The following FGGY variants were observed in gnomAD, a reference collection of about 807,000 sequenced individuals.
FGGY encodes FGGY carbohydrate kinase domain-containing protein.
In FGGY, 72 loss-of-function variants were observed where a neutral mutation model predicts 71.3. The ratio of observed to expected loss-of-function variants is 1.01; its 90% CI spans 0.84 to 1.23. The LOEUF is 1.23. Among genes scored for constraint, FGGY ranks in the 50% most tolerant of loss-of-function variants. The pLI is 0.00. For missense variants in FGGY, 668 were observed against 682.3 expected, an observed-to-expected ratio of 0.98 and a Z score of 0.23; for synonymous variants, 251 against 250.3, an observed-to-expected ratio of 1.00 and a Z score of -0.02.
rs1374065303 is a variant in FGGY at position 59,576,669 on chromosome 1, G to C, written c.903+22442G>C. On this transcript the variant is annotated intron_variant, in intron 8 of 15. Transcript: ENST00000303721. The stretch of plus-strand genomic sequence containing the variant: ...GCTAGAGATTACAGACAGACAGACA[G>C]ACAGACAGACACACACACACACACA... 9.5e-4 allele frequency among the ~76,000 whole-genome samples: 126 copies of C among 132,664 alleles called. 1 individual carries two copies. The highest frequency in any genetic ancestry group is 3.6e-3 in the African/African-American group (120 of 33,756). 87.0% of individuals were successfully genotyped at this position (132,664 alleles called of 152,430 possible).
At chr1:59,715,959 A>G (rs2097843130) in intron 14 of FGGY, among the ~76,000 whole-genome samples, 1 of 152,256 alleles carries the variant, frequency 6.6e-6, no homozygotes, top group African/African-American at 2.4e-5. Flanking sequence ...GCAGAGTTAA[A>G]TAATTGTGAC....
intron 8 of FGGY, among the ~76,000 whole-genome samples, chr1:59,582,555 C>T (rs1032444368): frequency 6.7e-6 from 1 of 149,598 alleles, no homozygotes; most frequent in Non-Finnish European, 1.5e-5. Flanking sequence ...GCCTATAGCA[C>T]CCTTCCCTCT....
chr1:59,522,928 A>G (rs2094875868), intron 7 of FGGY, among the ~76,000 whole-genome samples: 1 of 152,224 alleles, frequency 6.6e-6, no homozygotes, highest in Non-Finnish European at 1.5e-5. Context: ...TCTCATTTTA[A>G]ACAAGCTCTG....
intron 6 of FGGY, among the ~76,000 whole-genome samples, chr1:59,500,207 A>G (rs1037546239): frequency 3.3e-5 from 5 of 152,202 alleles, no homozygotes; most frequent in Admixed American, 1.3e-4. Context: ...AGGAAGAGCA[A>G]AGGTTTCAGA....
chr1:59,719,639 C>G (rs755496576), intron 14 of FGGY, among the ~76,000 whole-genome samples: 1 of 152,090 alleles, frequency 6.6e-6, no homozygotes, highest in African/African-American at 2.4e-5. Context: ...TTATCGAGAG[C>G]CTGCATTTCT....
chr1:59,589,651 C>T (rs941260841), intron 8 of FGGY, among the ~76,000 whole-genome samples: 1 of 152,146 alleles, frequency 6.6e-6, no homozygotes, highest in African/African-American at 2.4e-5. Flanking sequence ...AACCGCTCAA[C>T]TACATGGAAA....
intron 6 of FGGY, among the ~76,000 whole-genome samples, chr1:59,507,162 T>C (rs1454873442): frequency 6.6e-6 from 1 of 152,158 alleles, no homozygotes; most frequent in African/African-American, 2.4e-5. Flanking sequence ...GGAAGTAAAG[T>C]ACAGAAACAG....
chr1:59,720,115 T>C (rs1278626757), intron 14 of FGGY, among the ~76,000 whole-genome samples: 2 of 152,230 alleles, frequency 1.3e-5, no homozygotes, highest in African/African-American at 2.4e-5. Flanking sequence ...GTCTCTCCTC[T>C]GATTACTGGG....
chr1:59,670,023 G>A (rs755230757), intron 13 of FGGY, among the ~76,000 whole-genome samples: 4 of 152,182 alleles, frequency 2.6e-5, no homozygotes, highest in Non-Finnish European at 5.9e-5. Flanking sequence ...GATTCCGATT[G>A]AAACTGGACC....
chr1:59,336,465 A>G (rs2049524439), intron 2 of FGGY, among the ~76,000 whole-genome samples: 1 of 140,682 alleles, frequency 7.1e-6, no homozygotes, highest in Non-Finnish European at 1.5e-5. Context: ...TAAATAAATA[A>G]ATAAAACCTG....
chr1:59,601,800 A>G (rs1368012517), intron 8 of FGGY, among the ~76,000 whole-genome samples: 4 of 152,230 alleles, frequency 2.6e-5, no homozygotes, highest in Admixed American at 1.3e-4. Context: ...TGTGTATCCA[A>G]TAATATTTAC....
intron 12 of FGGY, among the ~76,000 whole-genome samples, chr1:59,664,321 A>G (rs2097304118): frequency 6.6e-6 from 1 of 152,236 alleles, no homozygotes; most frequent in African/African-American, 2.4e-5. Flanking sequence ...AGTCTGGGAC[A>G]CCGAAAGGGA....
At chr1:59,332,527 T>C (rs746051660) in intron 2 of FGGY, among the ~76,000 whole-genome samples, 17 of 152,164 alleles carry the variant, frequency 1.1e-4, no homozygotes, top group Non-Finnish European at 2.4e-4. Context: ...TGGATGAGCA[T>C]GATCATAAGG....
intron 5 of FGGY, among the ~76,000 whole-genome samples, chr1:59,450,143 G>A (rs146503205): frequency 6.6e-6 from 1 of 151,964 alleles, no homozygotes. Flanking sequence ...CCCTTTTCCT[G>A]TATTCTCCAG....
intron 8 of FGGY, among the ~76,000 whole-genome samples, chr1:59,581,345 T>C (rs2096191408): frequency 6.7e-6 from 1 of 150,202 alleles, no homozygotes; most frequent in South Asian, 2.1e-4. Context: ...GGAACCTGGA[T>C]ATCAAATTAT....
intron 11 of FGGY, among the ~76,000 whole-genome samples, chr1:59,652,384 G>A (rs879426750): frequency 0.017 from 2,572 of 149,420 alleles, 47 homozygotes; most frequent in Non-Finnish European, 0.027. Flanking sequence ...TCACTTTCAG[G>A]TACACCAATC....
At chr1:59,419,097 C>T (rs1223124383) in intron 5 of FGGY, among the ~76,000 whole-genome samples, 3 of 152,096 alleles carry the variant, frequency 2.0e-5, no homozygotes, top group African/African-American at 4.8e-5. Flanking sequence ...ATAAAGGGTC[C>T]GCAATGCATA....
At chr1:59,715,910 C>T (rs190354676) in intron 14 of FGGY, among the ~76,000 whole-genome samples, 124 of 152,334 alleles carry the variant, frequency 8.1e-4, no homozygotes, top group Non-Finnish European at 1.3e-3. Flanking sequence ...CACATCCATT[C>T]ATTCACATAG....
intron 9 of FGGY, among the ~76,000 whole-genome samples, chr1:59,619,629 C>T (rs2096789269): frequency 6.6e-6 from 1 of 151,954 alleles, no homozygotes; most frequent in South Asian, 2.1e-4. Flanking sequence ...GCAGAGTGAA[C>T]CAAAATGACA....
Sources: gnomAD v4.1 joint callset for allele counts (sites outside exome capture counted in the v4.1 genomes callset) on GRCh38, gnomAD v4.1.1 for gene constraint, MANE v1.5 for transcripts, NCBI Gene and HGNC (gene_info 2026-07-23, HGNC 2026-07-21) for gene names.